Variants in ZNRF1 observed in about 807,000 individuals in gnomAD.
ZNRF1 encodes E3 ubiquitin-protein ligase ZNRF1.
Under a neutral mutation model 18.4 loss-of-function variants are expected in ZNRF1, and 3 were observed. The observed-to-expected ratio is 0.16, with a 90% confidence interval of 0.07 to 0.42. The LOEUF is 0.42. Ranked by LOEUF, ZNRF1 falls within the 10% of genes least tolerant of loss-of-function variation. ZNRF1 has a pLI of 0.99. For synonymous variants in ZNRF1, 157 were observed against 144.2 expected (o/e 1.09, Z -0.64); for missense variants, 310 against 329.8 (o/e 0.94, Z 0.47).
intron 1 of ZNRF1, among the ~76,000 whole-genome samples, chr16:75,055,403 C>T (rs957679901): frequency 1.3e-5 from 2 of 152,154 alleles, no homozygotes; most frequent in East Asian, 3.9e-4. Flanking sequence ...AGAATCTCAC[C>T]TTCTTGCAGC....
chr16:75,013,058 A>G (rs1197840528), intron 1 of ZNRF1, among the ~76,000 whole-genome samples: 2 of 152,240 alleles, frequency 1.3e-5, no homozygotes, highest in East Asian at 1.9e-4. Flanking sequence ...ACATCCTTCA[A>G]CAATGACTTT....
intron 2 of ZNRF1, among the ~76,000 whole-genome samples, chr16:75,099,773 C>T (rs940892115): frequency 6.6e-6 from 1 of 152,194 alleles, no homozygotes; most frequent in Non-Finnish European, 1.5e-5. Context: ...TGCTGCGAGG[C>T]CCCCGCCATG....
chr16:75,108,122 A>C lies in ZNRF1; in HGVS notation c.*422A>C, dbSNP rs947259693. ...ACTCAGTGACAGACGAACACAGCTA[A>C]GGCCTCGCTGCCAGCCTTCTGACGG... On this transcript the variant is annotated 3_prime_UTR_variant, in exon 5 of 5. Coordinates refer to ENST00000335325, the MANE Select transcript of ZNRF1 (RefSeq NM_032268.5). 1.0e-5 allele frequency: 2 copies of C among 199,800 alleles called. No homozygotes were observed. The highest frequency in any genetic ancestry group is 6.8e-5 in the South Asian group (1 of 14,728). 12.4% of individuals were successfully genotyped at this position (199,800 alleles called of 1,614,324 possible). A position where few individuals can be genotyped will look rare whatever the true frequency, so the allele number is the denominator to read the frequency against.
At chr16:75,097,821 A>C (rs2036216894) in intron 2 of ZNRF1, among the ~76,000 whole-genome samples, 1 of 152,210 alleles carries the variant, frequency 6.6e-6, no homozygotes, top group African/African-American at 2.4e-5. Flanking sequence ...GTCTCAAAAA[A>C]TAAAATATAA....
At chr16:75,054,581 C>G (rs1159365716) in intron 1 of ZNRF1, among the ~76,000 whole-genome samples, 1 of 152,234 alleles carries the variant, frequency 6.6e-6, no homozygotes, top group African/African-American at 2.4e-5. Context: ...TGGTCTGTGT[C>G]AGGTGCCTTT....
chr16:75,085,408 A>T (rs1245045109), intron 1 of ZNRF1, among the ~76,000 whole-genome samples: 1 of 152,216 alleles, frequency 6.6e-6, no homozygotes, highest in Non-Finnish European at 1.5e-5. Context: ...CCACGGATGT[A>T]CCACAGTTTC....
intron 1 of ZNRF1, among the ~76,000 whole-genome samples, chr16:75,065,784 A>G (rs1230055611): frequency 6.6e-6 from 1 of 152,196 alleles, no homozygotes; most frequent in East Asian, 1.9e-4. Context: ...AAGTCAGTAT[A>G]TCGAAGTTTT....
chr16:75,107,543 G>A (rs962735799), intron 4 of ZNRF1, 190 bp from the exon 5 acceptor site: 2 of 351,672 alleles, frequency 5.7e-6, no homozygotes, highest in African/African-American at 2.2e-5. Flanking sequence ...AAAGAGCCAG[G>A]GGGGAGAGTG....
intron 2 of ZNRF1, among the ~76,000 whole-genome samples, chr16:75,101,590 A>G (rs1230862253): frequency 6.6e-6 from 1 of 151,954 alleles, no homozygotes; most frequent in Non-Finnish European, 1.5e-5. Flanking sequence ...CACATGCACC[A>G]CCTGGAGTCT....
At chr16:75,101,199 G>T (rs1009757252) in intron 2 of ZNRF1, among the ~76,000 whole-genome samples, 2 of 152,238 alleles carry the variant, frequency 1.3e-5, no homozygotes, top group African/African-American at 4.8e-5. Context: ...CTCCCAGAAT[G>T]CTGGAATTAC....
chr16:75,049,557 G>T (rs2035562734), intron 1 of ZNRF1, among the ~76,000 whole-genome samples: 1 of 152,146 alleles, frequency 6.6e-6, no homozygotes, highest in African/African-American at 2.4e-5. Flanking sequence ...AACACTTTGG[G>T]AGGCTGAGAT....
rs1349272603 is a variant in ZNRF1, at chr16:75,110,770, A to T, written c.*3070A>T. The stretch of plus-strand genomic sequence containing the variant: ...GGAGGGCGCATCAAAGAAGAGTCCT[A>T]CCCAGGAGGGAGAGCGCAGCTGCTG... On this transcript the variant is annotated 3_prime_UTR_variant, in exon 5 of 5. Coordinates refer to ENST00000335325, the MANE Select transcript of ZNRF1 (RefSeq NM_032268.5). The T allele has an allele frequency of 1.3e-5, 2 of 151,988 alleles. No individual in the cohort carries two copies. Among genetic ancestry groups the T allele is most frequent in the Non-Finnish European group, 2.9e-5 (2 of 68,038 alleles). 9.4% of individuals were successfully genotyped at this position (151,988 alleles called of 1,614,324 possible). A position where few individuals can be genotyped will look rare whatever the true frequency, so the allele number is the denominator to read the frequency against.
intron 1 of ZNRF1, among the ~76,000 whole-genome samples, chr16:75,022,259 A>AT (rs1451915356): frequency 6.6e-6 from 1 of 151,156 alleles, no homozygotes; most frequent in East Asian, 1.9e-4. Context: ...TGTCTCAAAA[A>AT]TTTTTTTAAA....
At chr16:75,099,398 G>A (rs901107041) in intron 2 of ZNRF1, among the ~76,000 whole-genome samples, 1 of 151,762 alleles carries the variant, frequency 6.6e-6, no homozygotes, top group South Asian at 2.1e-4. Context: ...CCCACCCCCA[G>A]CCCATCACAG....
chr16:75,101,028 G>A (rs1597910877), intron 2 of ZNRF1, among the ~76,000 whole-genome samples: 1 of 152,172 alleles, frequency 6.6e-6, no homozygotes, highest in East Asian at 1.9e-4. Context: ...CTGCCTCCCG[G>A]GTTCAAATGA....
In ZNRF1 at chr16:75,083,325, C is replaced by T. The variant is rs145462445; in HGVS notation, c.425-10247C>T. On this transcript the variant is annotated intron_variant, in intron 1 of 4. Transcript: ENST00000335325. ...AAACAATTCTGGAATAGGAAGGGCA[C>T]TACTTGAATATTACTAAGTAGTTGG... Among the ~76,000 whole-genome samples, 62 of 152,338 alleles carry T rather than the reference C, an allele frequency of 4.1e-4. 1 individual carries two copies. Among genetic ancestry groups the T allele is most frequent in the African/African-American group, 1.5e-3 (61 of 41,582 alleles).
chr16:75,096,830 C>T (rs753119223), intron 2 of ZNRF1, among the ~76,000 whole-genome samples: 34 of 152,132 alleles, frequency 2.2e-4, no homozygotes, highest in Non-Finnish European at 4.4e-4. Context: ...GGAAGGCCTC[C>T]AGTAGCTGCC....
chr16:75,077,529 T>A (rs1449903643), intron 1 of ZNRF1, among the ~76,000 whole-genome samples: 1 of 152,162 alleles, frequency 6.6e-6, no homozygotes, highest in Non-Finnish European at 1.5e-5. Flanking sequence ...AGATTCCGTC[T>A]CAAAAAAACA....
chr16:75,098,869 C>G (rs2145426369), intron 2 of ZNRF1, among the ~76,000 whole-genome samples: 1 of 152,284 alleles, frequency 6.6e-6, no homozygotes, highest in African/African-American at 2.4e-5. Flanking sequence ...TGAGCCTCCC[C>G]ACCCCTCCAT....
Sources: allele counts gnomAD v4.1 joint callset (sites outside exome capture counted in the v4.1 genomes callset), GRCh38; gene constraint gnomAD v4.1.1; transcripts MANE v1.5; gene names NCBI Gene and HGNC (gene_info 2026-07-23, HGNC 2026-07-21).